GLIPR2: variants seen among roughly 807,000 people sequenced by gnomAD.
The protein encoded by GLIPR2 is Golgi-associated plant pathogenesis-related protein 1.
In GLIPR2, 21 loss-of-function variants were observed where a neutral mutation model predicts 20.4. That is an observed-to-expected ratio of 1.03 (90% CI 0.73 to 1.48). The LOEUF is 1.48. GLIPR2 is among the 40% of genes most tolerant of loss of function. The pLI, the probability that GLIPR2 is intolerant of heterozygous loss-of-function variation, is 0.00. For missense variants in GLIPR2, 205 were observed against 200.1 expected, an observed-to-expected ratio of 1.02 and a Z score of -0.15; for synonymous variants, 91 against 80.5, an observed-to-expected ratio of 1.13 and a Z score of -0.70.
At chr9:36,152,477 C>T (rs556629687) in intron 4 of GLIPR2, among the ~76,000 whole-genome samples, 103 of 152,174 alleles carry the variant, frequency 6.8e-4, no homozygotes, top group South Asian at 4.6e-3. Context: ...GGGCTGGGTG[C>T]GGTGGCTCAC....
chr9:36,159,203 A>C (rs1007079433), intron 4 of GLIPR2, among the ~76,000 whole-genome samples: 1 of 152,246 alleles, frequency 6.6e-6, no homozygotes, highest in Admixed American at 6.5e-5. Context: ...AGGAAGCCTG[A>C]GAAATGGGAG....
At chr9:36,153,904 A>G (rs1345475034) in intron 4 of GLIPR2, among the ~76,000 whole-genome samples, 1 of 151,672 alleles carries the variant, frequency 6.6e-6, no homozygotes, top group African/African-American at 2.4e-5. Flanking sequence ...ACTGTCTCCA[A>G]AAAAAACAAA....
At chr9:36,152,952 CAAAAAAAAAAAAAAA>C (rs67296666) in intron 4 of GLIPR2, among the ~76,000 whole-genome samples, 26 of 14,034 alleles carry the variant, frequency 1.9e-3, no homozygotes, top group East Asian at 9.6e-3. Flanking sequence ...ACTGAAAGTG[CAAAAAAAAAAAAAAA>C]AAAAAAAAAA....
chr9:36,152,086 G>C (rs1378460075), intron 4 of GLIPR2, among the ~76,000 whole-genome samples: 1 of 152,152 alleles, frequency 6.6e-6, no homozygotes, highest in Non-Finnish European at 1.5e-5. Flanking sequence ...CTGCAACCAT[G>C]TTGCATTGCA....
At chr9:36,148,346 G>C (rs573953825) in intron 2 of GLIPR2, among the ~76,000 whole-genome samples, 4 of 152,288 alleles carry the variant, frequency 2.6e-5, no homozygotes, top group Non-Finnish European at 4.4e-5. Flanking sequence ...CACTCACCTG[G>C]GCAGGTCCTT....
intron 4 of GLIPR2, among the ~76,000 whole-genome samples, chr9:36,151,624 C>T (rs1401255244): frequency 3.3e-5 from 5 of 152,170 alleles, no homozygotes; most frequent in African/African-American, 1.2e-4. Context: ...AAGGTGGCTT[C>T]TAAGGGATAT....
At chr9:36,150,776 C>T (rs1015321802) in intron 3 of GLIPR2, 96 bp from the exon 4 acceptor site, 14 of 823,924 alleles carry the variant, frequency 1.7e-5, no homozygotes, top group Admixed American at 6.4e-5. Context: ...GTCTAATTGC[C>T]GCATTGGTGG....
chr9:36,162,749 G>C lies in GLIPR2; in HGVS notation c.*227G>C, dbSNP rs1265935948. On this transcript the variant is annotated 3_prime_UTR_variant, in exon 5 of 5. Coordinates refer to ENST00000377960, the MANE Select transcript of GLIPR2 (RefSeq NM_022343.4). ...TTACCCCGATGGTTACCTAGACCAC[G>C]ATTATTTGGATTGGGGGGAGGGGGG... 1.0e-5 allele frequency: 6 copies of C among 577,904 alleles called. No homozygotes were observed. Among genetic ancestry groups the C allele is most frequent in the Non-Finnish European group, 1.8e-5 (6 of 326,586 alleles). The allele number at this position is 577,904 out of a possible 1,614,324, so 35.8% of individuals were successfully genotyped here.
chr9:36,141,810 C>A, intron 1 of GLIPR2: 1 of 453,990 alleles, frequency 2.2e-6, no homozygotes, highest in Non-Finnish European at 4.4e-6. Context: ...TGGGTCACCA[C>A]GCATGGCTAA....
intron 4 of GLIPR2, among the ~76,000 whole-genome samples, chr9:36,161,503 GA>G (rs61215109): frequency 0.74 from 108,254 of 146,002 alleles, 40,191 homozygotes; most frequent in Admixed American, 0.82. Context: ...GAGCTTAGAG[GA>G]AAAAAAAAAA....
intron 4 of GLIPR2, among the ~76,000 whole-genome samples, chr9:36,160,025 G>A (rs1462662352): frequency 6.6e-6 from 1 of 152,108 alleles, no homozygotes; most frequent in Non-Finnish European, 1.5e-5. Context: ...ATGATATTTA[G>A]GCTAAGACCA....
intron 4 of GLIPR2, among the ~76,000 whole-genome samples, chr9:36,156,399 A>G (rs1825833547): frequency 6.7e-6 from 1 of 148,278 alleles, no homozygotes; most frequent in Non-Finnish European, 1.5e-5. Context: ...AAAAAAAAAA[A>G]AAAAAAAAAA....
At chr9:36,142,634 C>T (rs1164343362) in intron 1 of GLIPR2, among the ~76,000 whole-genome samples, 1 of 152,168 alleles carries the variant, frequency 6.6e-6, no homozygotes, top group Non-Finnish European at 1.5e-5. Context: ...GTCATCCCTG[C>T]CCTTCCCCCA....
intron 4 of GLIPR2, among the ~76,000 whole-genome samples, chr9:36,160,407 C>G (rs1243325889): frequency 6.6e-6 from 1 of 152,102 alleles, no homozygotes; most frequent in Non-Finnish European, 1.5e-5. Context: ...GTGGGAGGGT[C>G]TCCTGAGCCC....
intron 1 of GLIPR2, chr9:36,144,594 T>C (rs1247974545): frequency 1.3e-5 from 2 of 152,356 alleles, no homozygotes; most frequent in East Asian, 3.9e-4. Context: ...TCCACCTCCA[T>C]GTCTCCCCAC....
chr9:36,152,721 G>T (rs1426562583), intron 4 of GLIPR2, among the ~76,000 whole-genome samples: 2 of 124,450 alleles, frequency 1.6e-5, no homozygotes, highest in Non-Finnish European at 3.2e-5. Context: ...TTGCACTCCA[G>T]CCTGGGCAAT....
intron 2 of GLIPR2, 85 bp downstream of exon 2, chr9:36,147,979 G>C (rs1455137231): frequency 2.6e-6 from 2 of 769,350 alleles, no homozygotes; most frequent in African/African-American, 3.4e-5. Context: ...CAGGCACGAT[G>C]GCTCACACCT....
rs916501142 is a variant in GLIPR2, at chr9:36,136,984, C to G, written c.13+193C>G. The stretch of plus-strand genomic sequence containing the variant: ...GGGGAAGGCGAGCCCGAGGGAGGCC[C>G]CCGCCGGAGAGCCGGGGATCGCGCC... On this transcript the variant is annotated intron_variant, in intron 1 of 4. Coordinates refer to ENST00000377960, the MANE Select transcript of GLIPR2 (RefSeq NM_022343.4). The surrounding 1 kb of genome is among the most constrained non-coding windows in gnomAD (Gnocchi z 4.3). 5.3e-6 allele frequency: 3 copies of G among 567,082 alleles called. No individual in the cohort carries two copies. Among genetic ancestry groups the G allele is most frequent in the African/African-American group, 3.9e-5 (2 of 51,454 alleles). The allele number at this position is 567,082 out of a possible 1,614,324, so 35.1% of individuals were successfully genotyped here.
At chr9:36,159,505 T>C (rs10814342) in intron 4 of GLIPR2, among the ~76,000 whole-genome samples, 1 of 152,108 alleles carries the variant, frequency 6.6e-6, no homozygotes, top group Admixed American at 6.6e-5. Context: ...TGCATTTTGG[T>C]GATTAAAACA....
Sources: gnomAD v4.1 joint callset for allele counts (sites outside exome capture counted in the v4.1 genomes callset) on GRCh38, gnomAD v4.1.1 for gene constraint, Gnocchi (gnomAD v3.1) non-coding constraint, MANE v1.5 for transcripts, NCBI Gene and HGNC (gene_info 2026-07-23, HGNC 2026-07-21) for gene names.